The following ROBO1 variants were observed in gnomAD, a reference collection of about 807,000 sequenced individuals.
ROBO1 encodes roundabout homolog 1.
ROBO1 carries 149 observed loss-of-function variants against 195.9 expected under a neutral mutation model. The ratio of observed to expected loss-of-function variants is 0.76; its 90% confidence interval spans 0.67 to 0.87. The LOEUF (loss-of-function observed/expected upper bound fraction) is 0.87, where lower values mean the gene tolerates loss of function less well. Ranked by LOEUF, ROBO1 falls within the 40% of genes least tolerant of loss-of-function variation. The probability of loss-of-function intolerance (pLI) is 0.00; values close to 1 mark genes in which losing one functional copy is unlikely to be tolerated. For missense variants in ROBO1, 1,933 were observed against 2,068.3 expected, an observed-to-expected ratio of 0.93 and a Z score of 1.27; for synonymous variants, 816 against 733.2, an observed-to-expected ratio of 1.11 and a Z score of -1.82.
At chr3:79,440,933 C>A (rs927182432) in intron 2 of ROBO1, among the ~76,000 whole-genome samples, 1 of 152,028 alleles carries the variant, frequency 6.6e-6, no homozygotes, top group South Asian at 2.1e-4. Context: ...CAAATATTTT[C>A]AACAGATGAA....
intron 1 of ROBO1, among the ~76,000 whole-genome samples, chr3:79,696,729 T>C (rs1947460499): frequency 6.6e-6 from 1 of 151,430 alleles, no homozygotes; most frequent in Non-Finnish European, 1.5e-5. Flanking sequence ...TTTTCAAGTC[T>C]TCTAAAATGT....
chr3:79,277,953 A>G (rs2031186553), intron 2 of ROBO1, among the ~76,000 whole-genome samples: 1 of 152,028 alleles, frequency 6.6e-6, no homozygotes, highest in South Asian at 2.1e-4. Flanking sequence ...ATCCCTTGGA[A>G]CTGATAATTT....
At chr3:79,163,655 G>T (rs889279326) in intron 2 of ROBO1, among the ~76,000 whole-genome samples, 1 of 152,028 alleles carries the variant, frequency 6.6e-6, no homozygotes, top group African/African-American at 2.4e-5. Context: ...GTGCACAAGG[G>T]TTCCAATTTC....
chr3:78,647,743 T>G (rs1706392186), intron 19 of ROBO1, 88 bp from the exon 20 acceptor site: 11 of 1,121,928 alleles, frequency 9.8e-6, no homozygotes, highest in Non-Finnish European at 1.5e-5. Context: ...AGCAGACAGC[T>G]GAACATAAAA....
At chr3:79,243,456 T>G (rs937773611) in intron 2 of ROBO1, among the ~76,000 whole-genome samples, 78 of 152,216 alleles carry the variant, frequency 5.1e-4, no homozygotes, top group African/African-American at 1.7e-3. Flanking sequence ...ACCAACAGTG[T>G]AAAAGTGTTC....
intron 2 of ROBO1, among the ~76,000 whole-genome samples, chr3:79,512,068 CT>C (rs1188459073): frequency 1.4e-5 from 2 of 146,214 alleles, no homozygotes; most frequent in African/African-American, 5.3e-5. Context: ...ACATGTACCC[CT>C]GAACTTAATT....
At chr3:79,751,641 G>A (rs1704135424) in intron 1 of ROBO1, among the ~76,000 whole-genome samples, 1 of 152,114 alleles carries the variant, frequency 6.6e-6, no homozygotes, top group African/African-American at 2.4e-5. Context: ...TTTTCACTAA[G>A]AAGAAAGGCT....
chr3:78,724,496 T>G, intron 5 of ROBO1, among the ~76,000 whole-genome samples: 1 of 119,286 alleles, frequency 8.4e-6, no homozygotes, highest in African/African-American at 3.4e-5. Context: ...GCCAACATGG[T>G]GAAACCCCAT....
intron 2 of ROBO1, among the ~76,000 whole-genome samples, chr3:79,464,221 A>T (rs1256628707): frequency 6.6e-6 from 1 of 152,218 alleles, no homozygotes; most frequent in Non-Finnish European, 1.5e-5. Context: ...TAATTCTGTT[A>T]TAAACATCTG....
chr3:79,507,812 A>G (rs1332020072), intron 2 of ROBO1: 1 of 154,732 alleles, frequency 6.5e-6, no homozygotes, highest in East Asian at 1.9e-4. Flanking sequence ...TTGAAGTCCT[A>G]ATATTCGGAA....
intron 2 of ROBO1, among the ~76,000 whole-genome samples, chr3:79,415,377 A>G (rs1308027877): frequency 6.6e-6 from 1 of 152,138 alleles, no homozygotes; most frequent in African/African-American, 2.4e-5. Context: ...CAGACATTAT[A>G]ACCATGGGAC....
chr3:79,462,715 C>T (rs1336152194), intron 2 of ROBO1, among the ~76,000 whole-genome samples: 1 of 151,894 alleles, frequency 6.6e-6, no homozygotes, highest in Non-Finnish European at 1.5e-5. Flanking sequence ...AGTTTGCTGG[C>T]AGTGTGAAAA....
At chr3:78,851,977 C>T (rs329809) in intron 4 of ROBO1, among the ~76,000 whole-genome samples, 8,741 of 151,548 alleles carry the variant, frequency 0.058, 322 homozygotes, top group Middle Eastern at 0.11. Flanking sequence ...ATTTATGGGC[C>T]ATTTATGGCC....
chr3:79,285,449 T>G (rs940726769), intron 2 of ROBO1, among the ~76,000 whole-genome samples: 1 of 152,220 alleles, frequency 6.6e-6, no homozygotes, highest in Non-Finnish European at 1.5e-5. Flanking sequence ...GTGTCTCATT[T>G]TAACCATACA....
rs1350499042 is a variant in ROBO1 at position 79,415,146 on chromosome 3, AT to A, written c.88+174677del. ...TGTGAGTAGTCGAAAGCCTTCTGCCATTCATTCATTCAACAAATATTTTCTG... is the reference window on the plus strand; with the variant it reads ...TGTGAGTAGTCGAAAGCCTTCTGCCATCATTCATTCAACAAATATTTTCTG... On this transcript the variant is annotated intron_variant, in intron 2 of 30. Transcript: ENST00000464233. Among the ~76,000 whole-genome samples, 8 of 152,258 alleles carry A rather than the reference AT, an allele frequency of 5.3e-5. No individual in the cohort carries two copies. In the East Asian group the frequency reaches 1.5e-3, roughly 29 times the overall value.
chr3:79,056,491 A>G (rs960594136), intron 3 of ROBO1, among the ~76,000 whole-genome samples: 1 of 152,178 alleles, frequency 6.6e-6, no homozygotes, highest in Non-Finnish European at 1.5e-5. Context: ...AGGGTGGTCG[A>G]TAAACAACGT....
chr3:79,025,207 A>G (rs2078180744), intron 3 of ROBO1, among the ~76,000 whole-genome samples: 1 of 152,140 alleles, frequency 6.6e-6, no homozygotes, highest in Non-Finnish European at 1.5e-5. Context: ...TCACCTTCAT[A>G]AATCTGTGAA....
chr3:78,884,381 G>T (rs781668503), intron 4 of ROBO1, among the ~76,000 whole-genome samples: 14 of 152,024 alleles, frequency 9.2e-5, no homozygotes, highest in Non-Finnish European at 1.9e-4. Flanking sequence ...GGAGGCCAAG[G>T]TGGGAGGATT....
chr3:79,218,537 A>C (rs1190206465), intron 2 of ROBO1, among the ~76,000 whole-genome samples: 2 of 151,988 alleles, frequency 1.3e-5, no homozygotes, highest in Admixed American at 1.3e-4. Context: ...GGTTATAATA[A>C]ATTTATAGTA....
Sources: gnomAD v4.1 joint callset for allele counts (sites outside exome capture counted in the v4.1 genomes callset) on GRCh38, gnomAD v4.1.1 for gene constraint, MANE v1.5 for transcripts, NCBI Gene and HGNC (gene_info 2026-07-23, HGNC 2026-07-21) for gene names.